Variants in DTNB observed in about 807,000 individuals in gnomAD.
DTNB encodes the protein DTN-B.
A neutral mutation model predicts 90.7 loss-of-function variants in DTNB; 63 were observed. The observed-to-expected ratio is 0.69, with a 90% confidence interval of 0.57 to 0.86. DTNB has a LOEUF of 0.86. Ranked by LOEUF, DTNB falls within the 40% of genes least tolerant of loss-of-function variation. The pLI, the probability that DTNB is intolerant of heterozygous loss-of-function variation, is 0.00. For missense variants in DTNB, 744 were observed against 807.1 expected, an observed-to-expected ratio of 0.92 and a Z score of 0.95; for synonymous variants, 277 against 286.7, an observed-to-expected ratio of 0.97 and a Z score of 0.34.
chr2:25,378,346 C>T (rs2036455018), intron 20 of DTNB, among the ~76,000 whole-genome samples: 1 of 152,240 alleles, frequency 6.6e-6, no homozygotes, highest in Non-Finnish European at 1.5e-5. Flanking sequence ...AGGTGCTGCC[C>T]TCTCCTCAGC....
At chr2:25,530,988 T>C (rs2150910778) in intron 9 of DTNB, among the ~76,000 whole-genome samples, 1 of 152,346 alleles carries the variant, frequency 6.6e-6, no homozygotes, top group Non-Finnish European at 1.5e-5. Flanking sequence ...TAAATACATA[T>C]AAATAAATAC....
chr2:25,612,217 C>T (rs559537135), intron 4 of DTNB, among the ~76,000 whole-genome samples: 1 of 151,892 alleles, frequency 6.6e-6, no homozygotes, highest in Non-Finnish European at 1.5e-5. Context: ...ATATGAAAGA[C>T]AGAATCATAT....
intron 9 of DTNB, among the ~76,000 whole-genome samples, chr2:25,513,969 CT>C (rs2074477991): frequency 6.6e-6 from 1 of 150,596 alleles, no homozygotes; most frequent in South Asian, 2.1e-4. Context: ...AAATAAAGTC[CT>C]TGTCTCTGGC....
chr2:25,587,377 C>T (rs1398399021), intron 6 of DTNB, among the ~76,000 whole-genome samples: 7 of 152,146 alleles, frequency 4.6e-5, no homozygotes, highest in Admixed American at 1.3e-4. Context: ...GACCAGGGTC[C>T]TTCGTTTTTT....
chr2:25,409,787 T>C (rs2046154902), intron 16 of DTNB, among the ~76,000 whole-genome samples: 1 of 152,212 alleles, frequency 6.6e-6, no homozygotes, highest in African/African-American at 2.4e-5. Flanking sequence ...ACTGTGGGTT[T>C]TCCCTAAGGC....
chr2:25,379,341 G>A lies in DTNB; in HGVS notation c.1880-18C>T. 4 of 1,314,038 alleles carry A rather than the reference G, an allele frequency of 3.0e-6. No homozygotes were observed. Among genetic ancestry groups the A allele is most frequent in the Non-Finnish European group, 3.9e-6 (4 of 1,022,174 alleles). 81.4% of individuals were successfully genotyped at this position (1,314,038 alleles called of 1,614,324 possible). ...CTGCTAACCTGTGGCAGCATGGGCA[G>A]AAACAACACACTGAGGTCACGGCCA... On this transcript the variant is annotated intron_variant, in intron 19 of 20. Coordinates refer to ENST00000406818, the MANE Select transcript of DTNB (RefSeq NM_021907.5).
chr2:25,417,938 G>A (rs1230436853), intron 16 of DTNB, among the ~76,000 whole-genome samples: 2 of 152,186 alleles, frequency 1.3e-5, no homozygotes, highest in African/African-American at 4.8e-5. Context: ...CCCTTGAGGT[G>A]AAGTGTGGTC....
chr2:25,515,499 G>C (rs1415027159), intron 9 of DTNB, among the ~76,000 whole-genome samples: 1 of 152,186 alleles, frequency 6.6e-6, no homozygotes, highest in Non-Finnish European at 1.5e-5. Flanking sequence ...TTTTGACAAA[G>C]ATGGCAAGAC....
rs2038672899 is a variant in DTNB at position 25,383,908 on chromosome 2, GGA to G, written c.1826-21_1826-20del. The G allele has an allele frequency of 9.3e-6, 15 of 1,613,932 alleles. No homozygotes were observed. Among genetic ancestry groups the G allele is most frequent in the Non-Finnish European group, 1.3e-5 (15 of 1,179,902 alleles). The stretch of plus-strand genomic sequence containing the variant: ...TCCTCTGCTGTGAAAACAAGTCCAA[GGA>G]GGCCAGTGACCCTTCGGCACAGGAC... On this transcript the variant is annotated intron_variant, in intron 18 of 20. Transcript: ENST00000406818.
At position 25,664,402 on chromosome 2, in the gene DTNB, TC is replaced by T. The variant is rs565451075; in HGVS notation, c.-2+8983del. On this transcript the variant is annotated intron_variant, in intron 1 of 20. Coordinates refer to ENST00000406818, the MANE Select transcript of DTNB (RefSeq NM_021907.5). Reference sequence around the variant, plus strand: ...TTTAGCAAAGTTCATTTTATTCAAATCAGGTAATATGATCTGAAAGACCACT... The same window carrying T: ...TTTAGCAAAGTTCATTTTATTCAAATAGGTAATATGATCTGAAAGACCACT... 6.4e-3 allele frequency among the ~76,000 whole-genome samples: 973 copies of T among 152,318 alleles called. 8 individuals carry two copies. Among genetic ancestry groups the T allele is most frequent in the African/African-American group, 0.022 (919 of 41,572 alleles).
At chr2:25,472,806 C>T (rs2063052866) in intron 10 of DTNB, among the ~76,000 whole-genome samples, 1 of 152,194 alleles carries the variant, frequency 6.6e-6, no homozygotes, top group Admixed American at 6.5e-5. Context: ...ATTGCTTGAA[C>T]CCAGGAAGCA....
chr2:25,482,945 T>C (rs548212704), intron 9 of DTNB, 72 bp from the exon 10 acceptor site: 2 of 1,441,762 alleles, frequency 1.4e-6, no homozygotes, highest in East Asian at 4.8e-5. Flanking sequence ...ACGATAAGCA[T>C]GGTAAGAGCA....
intron 1 of DTNB, among the ~76,000 whole-genome samples, chr2:25,666,265 C>T (rs2084422679): frequency 6.6e-6 from 1 of 152,032 alleles, no homozygotes; most frequent in Non-Finnish European, 1.5e-5. Context: ...CTATTCTTGA[C>T]ATGTTAAAGA....
chr2:25,610,470 A>ATG (rs1437358038), intron 4 of DTNB, among the ~76,000 whole-genome samples: 5 of 152,358 alleles, frequency 3.3e-5, no homozygotes, highest in African/African-American at 1.2e-4. Context: ...TTATGCCTTT[A>ATG]GTTAATTCTG....
intron 9 of DTNB, among the ~76,000 whole-genome samples, chr2:25,527,159 C>G (rs1031955389): frequency 4.6e-5 from 7 of 152,014 alleles, no homozygotes; most frequent in African/African-American, 1.7e-4. Flanking sequence ...GCCTTAAATG[C>G]TTCTACTAGG....
intron 9 of DTNB, among the ~76,000 whole-genome samples, chr2:25,502,991 C>T (rs779536225): frequency 7.9e-6 from 1 of 126,484 alleles, no homozygotes; most frequent in Non-Finnish European, 1.6e-5. Context: ...GAGGGCAAGG[C>T]TGCAGTGAGC....
intron 9 of DTNB, among the ~76,000 whole-genome samples, chr2:25,513,931 G>A (rs1170888135): frequency 1.3e-5 from 2 of 150,858 alleles, no homozygotes; most frequent in Admixed American, 6.6e-5. Context: ...CCAGACCCAC[G>A]CCAGATAGGG....
chr2:25,632,411 T>C (rs1205888611), intron 3 of DTNB, among the ~76,000 whole-genome samples: 4 of 152,160 alleles, frequency 2.6e-5, no homozygotes, highest in African/African-American at 7.2e-5. Flanking sequence ...AAGGTTGTCA[T>C]GGTTTGAATA....
intron 8 of DTNB, among the ~76,000 whole-genome samples, chr2:25,555,016 G>T (rs1046297777): frequency 6.6e-6 from 1 of 152,046 alleles, no homozygotes; most frequent in Admixed American, 6.6e-5. Context: ...AAAGATCTGG[G>T]CGAGGTACAG....
Sources: allele counts gnomAD v4.1 joint callset (sites outside exome capture counted in the v4.1 genomes callset), GRCh38; gene constraint gnomAD v4.1.1; transcripts MANE v1.5; gene names NCBI Gene and HGNC (gene_info 2026-07-23, HGNC 2026-07-21).